The following TSKU variants were observed in gnomAD, a reference collection of about 807,000 sequenced individuals.
TSKU encodes tsukushi.
Under a neutral mutation model 11.2 loss-of-function variants are expected in TSKU, and 4 were observed. The observed-to-expected ratio is 0.36, with a 90% CI of 0.18 to 0.82. The LOEUF (loss-of-function observed/expected upper bound fraction) is 0.82, where lower values mean the gene tolerates loss of function less well. Ranked by LOEUF, TSKU falls within the 40% of genes least tolerant of loss-of-function variation. The pLI is 0.50. For missense variants in TSKU, 407 were observed against 482.5 expected (o/e 0.84, Z 1.47); for synonymous variants, 220 against 232.2 (o/e 0.95, Z 0.48).
intron 1 of TSKU, among the ~76,000 whole-genome samples, chr11:76,785,256 C>G (rs943386070): frequency 1.3e-5 from 2 of 152,184 alleles, no homozygotes; most frequent in Non-Finnish European, 2.9e-5. Flanking sequence ...GTGGTAAAGT[C>G]CAGATCAGTC....
intron 1 of TSKU, chr11:76,784,314 CA>C (rs1375682045): frequency 6.6e-6 from 1 of 152,238 alleles, no homozygotes; most frequent in Non-Finnish European, 1.5e-5. Flanking sequence ...CTTTGAGACC[CA>C]CTCTCCGTTT....
Position 76,784,757 on chromosome 11 carries a change from G to A in TSKU, c.-9+1353G>A, listed in dbSNP as rs550900443. Among the ~76,000 whole-genome samples, 9 of 142,612 alleles carry A rather than the reference G, an allele frequency of 6.3e-5. No individual in the cohort carries two copies. In the East Asian group the frequency reaches 1.4e-3, roughly 22 times the overall value. 93.6% of individuals were successfully genotyped at this position (142,612 alleles called of 152,430 possible). Reference sequence around the variant, plus strand: ...GGGCTGACCGGAGGTGGGGGGGGGGGGGTGCTCAGAGCTGCAGGAGCCTGC... The same window carrying A: ...GGGCTGACCGGAGGTGGGGGGGGGGAGGTGCTCAGAGCTGCAGGAGCCTGC... On this transcript the variant is annotated intron_variant, in intron 1 of 1. Coordinates refer to ENST00000333090, the MANE Select transcript of TSKU (RefSeq NM_015516.4).
At chr11:76,791,844 G>A (rs1211085169) in intron 1 of TSKU, 4 of 152,374 alleles carry the variant, frequency 2.6e-5, no homozygotes, top group South Asian at 2.1e-4. Context: ...AAAGTTTGCT[G>A]CAGGGGTGGG....
rs990378617 is a variant in TSKU at position 76,786,340 on chromosome 11, C to T, written c.-9+2936C>T. On this transcript the variant is annotated intron_variant, in intron 1 of 1. Coordinates refer to ENST00000333090, the MANE Select transcript of TSKU (RefSeq NM_015516.4). Reference sequence around the variant, plus strand: ...GGATGGGTGGCCTTTCCTGGATGAGCGGCAGGTTAGACTGGGAAAGCCTCA... The same window carrying T: ...GGATGGGTGGCCTTTCCTGGATGAGTGGCAGGTTAGACTGGGAAAGCCTCA... Among the ~76,000 whole-genome samples the T allele has an allele frequency of 5.9e-5, 9 of 152,282 alleles. No homozygotes were observed. The East Asian group carries it at 1.3e-3, about 23-fold the overall frequency.
At chr11:76,791,030 G>A (rs1050297630) in intron 1 of TSKU, among the ~76,000 whole-genome samples, 2 of 152,232 alleles carry the variant, frequency 1.3e-5, no homozygotes, top group African/African-American at 4.8e-5. Flanking sequence ...AGATGGAAAT[G>A]AGGAACTTGT....
intron 1 of TSKU, among the ~76,000 whole-genome samples, chr11:76,789,576 G>A (rs1024034165): frequency 3.3e-5 from 5 of 152,220 alleles, no homozygotes; most frequent in African/African-American, 4.8e-5. Flanking sequence ...CATGGCCCCT[G>A]CACTGGAAGG....
chr11:76,788,838 G>C (rs916854013), intron 1 of TSKU, among the ~76,000 whole-genome samples: 6 of 152,176 alleles, frequency 3.9e-5, no homozygotes, highest in Non-Finnish European at 8.8e-5. Context: ...AAGTAGGCAG[G>C]GCACCGCCCC....
At chr11:76,787,930 C>T (rs922746082) in intron 1 of TSKU, among the ~76,000 whole-genome samples, 6 of 152,172 alleles carry the variant, frequency 3.9e-5, no homozygotes, top group Non-Finnish European at 1.5e-5. Context: ...GGTCAAGGCT[C>T]TGGTGAGGCA....
Position 76,796,481 on chromosome 11 carries a change from A to G in TSKU, c.865A>G (p.Thr289Ala). ...SSLQELDLSG[T>A]NLVPLPEALL... ...CCTGCAGGAGCTGGACCTTTCGGGC[A>G]CCAACCTGGTGCCCCTGCCTGAGGC... The change falls in exon 2 of 2, where the codon ACC (threonine) becomes GCC (alanine). Residue 289 changes from threonine (T) to alanine (A), a missense_variant. Transcript: ENST00000333090. The surrounding 1 kb of genome is among the most constrained non-coding windows in gnomAD (Gnocchi z 4.1). The G allele has an allele frequency of 1.9e-6, 3 of 1,612,728 alleles. No individual in the cohort carries two copies. Among genetic ancestry groups the G allele is most frequent in the Non-Finnish European group, 2.5e-6 (3 of 1,179,666 alleles).
chr11:76,785,143 T>G (rs1944299295), intron 1 of TSKU, among the ~76,000 whole-genome samples: 1 of 152,166 alleles, frequency 6.6e-6, no homozygotes, highest in Non-Finnish European at 1.5e-5. Context: ...CTACCCTTCC[T>G]CCAACACCAG....
Position 76,796,223 on chromosome 11 carries a change from C to T in TSKU, c.607C>T (p.Arg203Ter), listed in dbSNP as rs1393960715. Reference protein sequence around the residue: ...WNRLHAVPNLRDLPLRYLSLD... With the variant: ...WNRLHAVPNL Reference sequence around the variant, plus strand: ...CCGGCTCCATGCCGTGCCCAACCTCCGAGACTTGCCCCTGCGCTACCTGAG... The same window carrying T: ...CCGGCTCCATGCCGTGCCCAACCTCTGAGACTTGCCCCTGCGCTACCTGAG... Residue 203 changes from arginine to a stop codon, truncating the protein, a stop_gained, in exon 2 of 2, where the codon CGA (arginine) becomes TGA (stop). Coordinates refer to ENST00000333090, the MANE Select transcript of TSKU (RefSeq NM_015516.4). LOFTEE classifies it high-confidence loss of function. This position sits in a 1 kb window ranked among gnomAD's most constrained non-coding sequence, Gnocchi z 4.1. The T allele has an allele frequency of 1.2e-6, 2 of 1,613,540 alleles. No homozygotes were observed. Among genetic ancestry groups the T allele is most frequent in the Non-Finnish European group, 1.7e-6 (2 of 1,180,016 alleles).
chr11:76,784,270 G>C (rs1225530031), intron 1 of TSKU: 1 of 152,382 alleles, frequency 6.6e-6, no homozygotes, highest in Non-Finnish European at 1.5e-5. Flanking sequence ...GTGTGATCCA[G>C]AGTTGCGTCT....
At chr11:76,786,342 G>A (rs149800930) in intron 1 of TSKU, among the ~76,000 whole-genome samples, 82 of 152,350 alleles carry the variant, frequency 5.4e-4, no homozygotes, top group African/African-American at 1.9e-3. Context: ...TGGATGAGCG[G>A]CAGGTTAGAC....
rs201792697 is a variant in TSKU at position 76,796,552 on chromosome 11, G to A, written c.936G>A (p.Gln312=). The change falls in exon 2 of 2, where the codon CAG becomes CAA. Residue 312 remains glutamine (Q), a synonymous_variant. Coordinates refer to ENST00000333090, the MANE Select transcript of TSKU (RefSeq NM_015516.4). This position sits in a 1 kb window ranked among gnomAD's most constrained non-coding sequence, Gnocchi z 4.1. ...CACTGCAGAGCGTCAGCGTGGGCCA[G>A]GATGTGCGGTGCCGGCGCCTGGTGC... is the stretch of plus-strand genomic sequence containing the variant. The part of the protein sequence containing the change: ...LPALQSVSVG[Q]DVRCRRLVRE... 26 of 1,596,212 alleles carry A rather than the reference G, an allele frequency of 1.6e-5. No homozygotes were observed. The highest frequency in any genetic ancestry group is 2.7e-5 in the African/African-American group (2 of 74,262).
rs114530070 is a variant in TSKU at position 76,786,221 on chromosome 11, C to T, written c.-9+2817C>T. ...TTTATCACCTTCATGTGGCCAGGCT[C>T]GTGCAGGCAAGGAGGTAGACACAGA... On this transcript the variant is annotated intron_variant, in intron 1 of 1. Coordinates refer to ENST00000333090, the MANE Select transcript of TSKU (RefSeq NM_015516.4). Among the ~76,000 whole-genome samples, 321 of 152,306 alleles carry T rather than the reference C, an allele frequency of 2.1e-3. 1 individual carries two copies. The highest frequency in any genetic ancestry group is 7.1e-3 in the African/African-American group (296 of 41,558).
intron 1 of TSKU, among the ~76,000 whole-genome samples, chr11:76,794,204 C>A (rs1378006798): frequency 3.3e-5 from 5 of 152,196 alleles, no homozygotes; most frequent in Non-Finnish European, 7.3e-5. Context: ...ACTGCCCAAC[C>A]CTCTCCTTCT....
intron 1 of TSKU, among the ~76,000 whole-genome samples, chr11:76,786,530 G>A (rs1175852290): frequency 6.6e-6 from 1 of 152,240 alleles, no homozygotes; most frequent in Non-Finnish European, 1.5e-5. Flanking sequence ...TTTTAAAGAG[G>A]GAGCTGTAGT....
At chr11:76,786,022 G>A (rs892767810) in intron 1 of TSKU, among the ~76,000 whole-genome samples, 4 of 152,242 alleles carry the variant, frequency 2.6e-5, no homozygotes, top group Non-Finnish European at 5.9e-5. Context: ...ATTACATTGT[G>A]CAGACATTCA....
chr11:76,795,573 G>A, intron 1 of TSKU, 36 bp from the exon 2 acceptor site: 1 of 1,586,184 alleles, frequency 6.3e-7, no homozygotes, highest in Non-Finnish European at 8.5e-7. Context: ...TAGACCATCT[G>A]GTGCATTCAT....
Sources: allele counts gnomAD v4.1 joint callset (sites outside exome capture counted in the v4.1 genomes callset), GRCh38; gene constraint gnomAD v4.1.1; non-coding constraint Gnocchi (gnomAD v3.1); transcripts MANE v1.5; gene names NCBI Gene and HGNC (gene_info 2026-07-23, HGNC 2026-07-21).